IMPG1: variants seen among roughly 807,000 people sequenced by gnomAD.
The protein encoded by IMPG1 is interphotoreceptor matrix proteoglycan of 150 kDa.
In IMPG1, 85 loss-of-function variants were observed where a neutral mutation model predicts 92.0. The ratio of observed to expected loss-of-function variants is 0.92; its 90% confidence interval spans 0.78 to 1.11. The LOEUF is 1.11. IMPG1 is among the 50% of genes least tolerant of loss of function. The pLI is 0.00. For synonymous variants in IMPG1, 367 were observed against 334.1 expected, an observed-to-expected ratio of 1.10 and a Z score of -1.08; for missense variants, 1,022 against 956.0, an observed-to-expected ratio of 1.07 and a Z score of -0.91.
rs945971552 is a variant in IMPG1, at chr6:75,950,534, T to G, written c.1824+28A>C. On this transcript the variant is annotated intron_variant, in intron 13 of 16. Transcript: ENST00000369950. ...CAACAAAGAAAGAAGAGACAAAGAA[T>G]TGGGAATTGTGAGCAGTGCCCACTC... is the stretch of plus-strand genomic sequence containing the variant. The G allele has an allele frequency of 5.9e-6, 9 of 1,532,834 alleles. No homozygotes were observed. The African/African-American group carries it at 1.3e-4, about 21-fold the overall frequency. The allele number at this position is 1,532,834 out of a possible 1,614,324, so 95.0% of individuals were successfully genotyped here.
intron 14 of IMPG1, among the ~76,000 whole-genome samples, chr6:75,931,461 G>A (rs766602760): frequency 9.8e-5 from 15 of 152,336 alleles, no homozygotes; most frequent in Middle Eastern, 3.4e-3. Flanking sequence ...TGCAAGCAGC[G>A]TGGAATGGGG....
At chr6:75,979,705 AG>A (rs1447592520) in intron 12 of IMPG1, among the ~76,000 whole-genome samples, 1 of 152,220 alleles carries the variant, frequency 6.6e-6, no homozygotes, top group African/African-American at 2.4e-5. Flanking sequence ...CACAGACTGT[AG>A]AAGTTTTGAG....
At chr6:76,048,414 A>C (rs1230570684) in intron 1 of IMPG1, among the ~76,000 whole-genome samples, 4 of 152,122 alleles carry the variant, frequency 2.6e-5, no homozygotes, top group Non-Finnish European at 5.9e-5. Context: ...CCAGAAGAGA[A>C]CTTCCCAAGC....
chr6:75,926,993 G>C (rs1262793865), intron 15 of IMPG1, among the ~76,000 whole-genome samples: 1 of 152,168 alleles, frequency 6.6e-6, no homozygotes, highest in Non-Finnish European at 1.5e-5. Flanking sequence ...TCACTTTCAG[G>C]TAGAATAACA....
At chr6:75,974,468 T>G (rs924978306) in intron 12 of IMPG1, among the ~76,000 whole-genome samples, 2 of 128,612 alleles carry the variant, frequency 1.6e-5, no homozygotes, top group Non-Finnish European at 3.4e-5. Flanking sequence ...TCTTTCTTTC[T>G]TTCTTTTTCT....
intron 6 of IMPG1, among the ~76,000 whole-genome samples, chr6:76,021,762 T>C (rs896063149): frequency 8.8e-6 from 1 of 114,070 alleles, no homozygotes; most frequent in African/African-American, 3.3e-5. Context: ...ATTCATTCAT[T>C]CTAACACTTG....
At chr6:75,974,353 TTCTTTCTTTC>T (rs1211081095) in intron 12 of IMPG1, among the ~76,000 whole-genome samples, 3 of 118,218 alleles carry the variant, frequency 2.5e-5, no homozygotes, top group African/African-American at 3.2e-5. Flanking sequence ...CTTTCTTTCT[TTCTTTCTTTC>T]TTTCTTTCTT....
chr6:76,033,419 G>A (rs1783685015), intron 4 of IMPG1, among the ~76,000 whole-genome samples: 1 of 152,176 alleles, frequency 6.6e-6, no homozygotes, highest in African/African-American at 2.4e-5. Context: ...GCAAGAGGAA[G>A]ATGTAGGAAT....
intron 12 of IMPG1, among the ~76,000 whole-genome samples, chr6:75,990,201 TCTGTGGATTAGCA>T (rs1191729161): frequency 6.6e-6 from 1 of 152,210 alleles, no homozygotes; most frequent in African/African-American, 2.4e-5. Context: ...TTATTACAAT[TCTGTGGATTAGCA>T]CTTGTTCCAG....
intron 12 of IMPG1, among the ~76,000 whole-genome samples, chr6:75,986,004 A>T (rs764633): frequency 0.04 from 6,150 of 152,294 alleles, 403 homozygotes; most frequent in African/African-American, 0.14. Flanking sequence ...CCATGGGCAG[A>T]TTGGAAATGA....
chr6:76,005,348 C>A lies in IMPG1; in HGVS notation c.1074G>T (p.Leu358=), dbSNP rs1326364666. ...GTTCTTCCTCTAGTGCTTTGCTGAT[C>A]AGCCTTTTGAGGTCTGTAGCTGTGA... is the stretch of plus-strand genomic sequence containing the variant. ...IYLTATDLKR[L]ISKALEEEQS... The change falls in exon 10 of 17, where the codon CTG becomes CTT. Residue 358 remains leucine, a synonymous_variant. Coordinates refer to ENST00000369950, the MANE Select transcript of IMPG1 (RefSeq NM_001563.4). The A allele has an allele frequency of 6.2e-7, 1 of 1,614,024 alleles. No homozygotes were observed. The highest frequency in any genetic ancestry group is 1.7e-5 in the Admixed American group (1 of 59,998).
At chr6:75,986,951 C>G (rs1782727340) in intron 12 of IMPG1, among the ~76,000 whole-genome samples, 1 of 152,158 alleles carries the variant, frequency 6.6e-6, no homozygotes, top group Admixed American at 6.5e-5. Context: ...ATAAATGAGA[C>G]TTTTAACTTA....
intron 7 of IMPG1, among the ~76,000 whole-genome samples, chr6:76,014,142 A>G (rs764708784): frequency 3.3e-5 from 5 of 152,212 alleles, no homozygotes; most frequent in African/African-American, 4.8e-5. Context: ...AGGAATAACA[A>G]TGACAACTAA....
rs781010652 is a variant in IMPG1 at position 76,003,953 on chromosome 6, A to G, written c.1136-3T>C. 1.9e-6 allele frequency: 3 copies of G among 1,608,986 alleles called. No homozygotes were observed. Among genetic ancestry groups the G allele is most frequent in the Admixed American group, 1.7e-5 (1 of 59,268 alleles). On this transcript the variant is annotated splice_polypyrimidine_tract_variant and splice_region_variant and intron_variant, in intron 10 of 16. Transcript: ENST00000369950. ...GGCTGGCAGTGATCCAGCAATTTCT[A>G]TGGGTAAAAAATCACAAGATTTGAA...
intron 2 of IMPG1, among the ~76,000 whole-genome samples, chr6:76,037,136 G>T (rs1417934805): frequency 6.6e-6 from 1 of 152,194 alleles, no homozygotes; most frequent in Non-Finnish European, 1.5e-5. Context: ...AAAAAGGACC[G>T]TGGGGAGGAA....
chr6:75,974,609 A>G (rs894115933), intron 12 of IMPG1, among the ~76,000 whole-genome samples: 1 of 151,216 alleles, frequency 6.6e-6, no homozygotes, highest in Admixed American at 6.6e-5. Flanking sequence ...AGCTGGGATT[A>G]CAATCTGCAA....
At chr6:76,024,749 A>G (rs1783493176) in intron 5 of IMPG1, 1 of 217,088 alleles carries the variant, frequency 4.6e-6, no homozygotes, top group Non-Finnish European at 9.4e-6. Flanking sequence ...ACAATGATGC[A>G]ATGGTTAAGT....
intron 1 of IMPG1, among the ~76,000 whole-genome samples, chr6:76,047,076 T>A (rs2127595430): frequency 6.6e-6 from 1 of 152,104 alleles, no homozygotes; most frequent in South Asian, 2.1e-4. Flanking sequence ...TTAGATAGAG[T>A]GTTTTTGTTA....
intron 12 of IMPG1, among the ~76,000 whole-genome samples, chr6:76,002,316 T>C (rs1366229496): frequency 6.6e-6 from 1 of 152,232 alleles, no homozygotes; most frequent in Non-Finnish European, 1.5e-5. Flanking sequence ...TCTCTTTAAC[T>C]GTGAAAAAGT....
Sources: allele counts gnomAD v4.1 joint callset (sites outside exome capture counted in the v4.1 genomes callset), GRCh38; gene constraint gnomAD v4.1.1; transcripts MANE v1.5; gene names NCBI Gene and HGNC (gene_info 2026-07-23, HGNC 2026-07-21).